DPP10: variants seen among roughly 807,000 people sequenced by gnomAD.
The protein encoded by DPP10 is inactive dipeptidyl peptidase 10.
Under a neutral mutation model 120.9 loss-of-function variants are expected in DPP10, and 33 were observed. That is an observed-to-expected ratio of 0.27 (90% confidence interval 0.21 to 0.37). The LOEUF (loss-of-function observed/expected upper bound fraction) is 0.37. Ranked by LOEUF, DPP10 falls within the 10% of genes least tolerant of loss-of-function variation. The pLI, the probability that DPP10 is intolerant of heterozygous loss-of-function variation, is 1.00. For missense variants in DPP10, 816 were observed against 942.8 expected, an observed-to-expected ratio of 0.87 and a Z score of 1.76; for synonymous variants, 337 against 326.1, an observed-to-expected ratio of 1.03 and a Z score of -0.36.
intron 7 of DPP10, among the ~76,000 whole-genome samples, chr2:115,703,232 T>A (rs2091963868): frequency 6.6e-6 from 1 of 151,928 alleles, no homozygotes; most frequent in Non-Finnish European, 1.5e-5. Flanking sequence ...ATTATTTTGC[T>A]TTGTGATTTA....
At chr2:115,446,991 A>G (rs535601601) in intron 3 of DPP10, among the ~76,000 whole-genome samples, 1 of 152,196 alleles carries the variant, frequency 6.6e-6, no homozygotes, top group Non-Finnish European at 1.5e-5. Flanking sequence ...CACCATGAAC[A>G]GCTTGTAATG....
At chr2:115,321,399 T>A (rs2062049214) in intron 2 of DPP10, among the ~76,000 whole-genome samples, 1 of 152,140 alleles carries the variant, frequency 6.6e-6, no homozygotes, top group Non-Finnish European at 1.5e-5. Context: ...GTTAAACTTA[T>A]TGAGAATCCC....
intron 5 of DPP10, among the ~76,000 whole-genome samples, chr2:115,612,131 A>T (rs2084148452): frequency 6.6e-6 from 1 of 152,178 alleles, no homozygotes; most frequent in African/African-American, 2.4e-5. Context: ...ATAATAGGAC[A>T]TGTGTCTAAC....
intron 1 of DPP10, among the ~76,000 whole-genome samples, chr2:114,749,280 G>C (rs545455223): frequency 9.9e-4 from 150 of 151,742 alleles, no homozygotes; most frequent in South Asian, 1.9e-3. Flanking sequence ...ATTTGTTTGA[G>C]TTCATTGTAG....
At chr2:114,624,381 G>A (rs1694329058) in intron 1 of DPP10, among the ~76,000 whole-genome samples, 1 of 151,902 alleles carries the variant, frequency 6.6e-6, no homozygotes, top group Admixed American at 6.6e-5. Flanking sequence ...AATCAAATTT[G>A]TCTTTTTTGG....
intron 1 of DPP10, among the ~76,000 whole-genome samples, chr2:115,175,877 T>C (rs2053651657): frequency 6.6e-6 from 1 of 152,244 alleles, no homozygotes; most frequent in Non-Finnish European, 1.5e-5. Context: ...GAATCAGTTT[T>C]AGAACACTAT....
intron 3 of DPP10, among the ~76,000 whole-genome samples, chr2:115,480,413 G>A (rs529115633): frequency 9.6e-4 from 146 of 151,748 alleles, no homozygotes; most frequent in Non-Finnish European, 1.7e-3. Flanking sequence ...TCCCCTCCTC[G>A]TTCCTACTTC....
At chr2:114,754,265 C>T (rs772954823) in intron 1 of DPP10, among the ~76,000 whole-genome samples, 3 of 152,114 alleles carry the variant, frequency 2.0e-5, no homozygotes, top group Non-Finnish European at 2.9e-5. Flanking sequence ...GGCGGACACA[C>T]CTGGATGGGT....
chr2:115,285,303 A>G (rs1186768797), intron 1 of DPP10, among the ~76,000 whole-genome samples: 1 of 152,020 alleles, frequency 6.6e-6, no homozygotes, highest in Non-Finnish European at 1.5e-5. Context: ...CTATTTCATA[A>G]GCTTAAAGAT....
intron 1 of DPP10, among the ~76,000 whole-genome samples, chr2:114,496,104 A>T (rs992398315): frequency 6.6e-6 from 1 of 152,126 alleles, no homozygotes; most frequent in Non-Finnish European, 1.5e-5. Context: ...TAGATTTGAG[A>T]TTTTACAGAG....
At chr2:114,536,281 G>T (rs753228851) in intron 1 of DPP10, among the ~76,000 whole-genome samples, 1 of 151,942 alleles carries the variant, frequency 6.6e-6, no homozygotes, top group Non-Finnish European at 1.5e-5. Flanking sequence ...TTCCCTTAGA[G>T]GAATGTTTTA....
chr2:114,514,984 T>G (rs1346762), intron 1 of DPP10, among the ~76,000 whole-genome samples: 41,658 of 152,084 alleles, frequency 0.27, 6,454 homozygotes, highest in Admixed American at 0.4. Context: ...ATAAGCAGTA[T>G]TATACAGCAT....
At chr2:115,760,289 G>C (rs1377031165) in intron 11 of DPP10, among the ~76,000 whole-genome samples, 1 of 152,108 alleles carries the variant, frequency 6.6e-6, no homozygotes. Flanking sequence ...TCAAAAACAA[G>C]TGGTGTGGAA....
At chr2:115,584,612 G>A (rs1225791927) in intron 5 of DPP10, among the ~76,000 whole-genome samples, 1 of 152,166 alleles carries the variant, frequency 6.6e-6, no homozygotes, top group Non-Finnish European at 1.5e-5. Context: ...TCCTTCCAAT[G>A]CAATATTATG....
chr2:114,758,225 C>T (rs1264452146), intron 1 of DPP10, among the ~76,000 whole-genome samples: 1 of 152,204 alleles, frequency 6.6e-6, no homozygotes, highest in Non-Finnish European at 1.5e-5. Context: ...TATATGCAGC[C>T]TACCCAACTC....
At chr2:115,151,892 A>G (rs907945427) in intron 1 of DPP10, among the ~76,000 whole-genome samples, 1 of 151,486 alleles carries the variant, frequency 6.6e-6, no homozygotes, top group Non-Finnish European at 1.5e-5. Context: ...GATTTCCTTT[A>G]AAGTGTTATT....
At chr2:115,468,792 G>C in intron 3 of DPP10, 3 of 458,334 alleles carry the variant, frequency 6.5e-6, no homozygotes, top group South Asian at 1.7e-5. Flanking sequence ...GTTGCAGACT[G>C]GTCTCAAGGT....
intron 13 of DPP10, among the ~76,000 whole-genome samples, chr2:115,770,837 A>T (rs1230809009): frequency 6.6e-6 from 1 of 152,122 alleles, no homozygotes; most frequent in Non-Finnish European, 1.5e-5. Context: ...CTTTTAATCC[A>T]TTATTGTGTA....
At chr2:114,560,217 G>T (rs550746962) in intron 1 of DPP10, among the ~76,000 whole-genome samples, 1 of 152,340 alleles carries the variant, frequency 6.6e-6, no homozygotes, top group Non-Finnish European at 1.5e-5. Flanking sequence ...CCCTGTGGGA[G>T]TTGGGAGGAG....
Sources: allele counts gnomAD v4.1 joint callset (sites outside exome capture counted in the v4.1 genomes callset), GRCh38; gene constraint gnomAD v4.1.1; transcripts MANE v1.5; gene names NCBI Gene and HGNC (gene_info 2026-07-23, HGNC 2026-07-21).